Variants in TSHZ1 observed in about 807,000 individuals in gnomAD.
TSHZ1 encodes teashirt zinc finger homeobox 1.
TSHZ1 carries 12 observed loss-of-function variants against 67.1 expected under a neutral mutation model. The ratio of observed to expected loss-of-function variants is 0.18; its 90% CI spans 0.11 to 0.29. The LOEUF is 0.29. Among genes scored for constraint, TSHZ1 ranks in the 10% least tolerant of loss-of-function variants. The pLI is 1.00. For synonymous variants in TSHZ1, 632 were observed against 622.4 expected, an observed-to-expected ratio of 1.02 and a Z score of -0.23; for missense variants, 1,305 against 1,413.9, an observed-to-expected ratio of 0.92 and a Z score of 1.23.
chr18:75,238,187 C>T (rs951121649), intron 1 of TSHZ1, among the ~76,000 whole-genome samples: 2 of 152,170 alleles, frequency 1.3e-5, no homozygotes, highest in Admixed American at 6.5e-5. Context: ...CAGCCTTGCA[C>T]GTGACAGATG....
intron 1 of TSHZ1, chr18:75,283,350 G>A (rs1033440688): frequency 6.6e-6 from 1 of 152,274 alleles, no homozygotes; most frequent in East Asian, 1.9e-4. Flanking sequence ...TCAGAACTGG[G>A]CCATCCTAAA....
At chr18:75,279,072 C>T (rs957233928) in intron 1 of TSHZ1, among the ~76,000 whole-genome samples, 1 of 152,082 alleles carries the variant, frequency 6.6e-6, no homozygotes, top group African/African-American at 2.4e-5. Flanking sequence ...CTCAGGGCCC[C>T]TGGCCTGGGG....
intron 1 of TSHZ1, among the ~76,000 whole-genome samples, chr18:75,214,571 T>C (rs1212156099): frequency 1.3e-5 from 2 of 152,246 alleles, no homozygotes; most frequent in Non-Finnish European, 2.9e-5. Context: ...CATCCGTAAC[T>C]GATGAGTTTT....
chr18:75,263,373 G>A (rs946608105), intron 1 of TSHZ1, among the ~76,000 whole-genome samples: 4 of 151,980 alleles, frequency 2.6e-5, no homozygotes, highest in African/African-American at 7.3e-5. Flanking sequence ...TCTCAGTCTC[G>A]TAGAGACATA....
At chr18:75,264,724 G>A (rs1599047823) in intron 1 of TSHZ1, among the ~76,000 whole-genome samples, 1 of 151,124 alleles carries the variant, frequency 6.6e-6, no homozygotes, top group South Asian at 2.1e-4. Context: ...TTATGGAAGC[G>A]AGTCAGGATA....
At chr18:75,226,565 T>C (rs1022129600) in intron 1 of TSHZ1, among the ~76,000 whole-genome samples, 1 of 152,002 alleles carries the variant, frequency 6.6e-6, no homozygotes, top group African/African-American at 2.4e-5. Context: ...TCAATCTGTT[T>C]TTCAACTTTT....
intron 1 of TSHZ1, among the ~76,000 whole-genome samples, chr18:75,223,976 G>A (rs2122523179): frequency 6.7e-6 from 1 of 150,006 alleles, no homozygotes; most frequent in African/African-American, 2.5e-5. Flanking sequence ...AAGGGATTCT[G>A]AGCAGAGTGC....
chr18:75,272,318 C>T (rs1340794789), intron 1 of TSHZ1, among the ~76,000 whole-genome samples: 1 of 152,186 alleles, frequency 6.6e-6, no homozygotes, highest in African/African-American at 2.4e-5. Context: ...GTGCTCTTTT[C>T]ATTCTAAGGG....
Position 75,279,901 on chromosome 18 carries a change from G to A in TSHZ1, c.41-5547G>A, listed in dbSNP as rs547392856. On this transcript the variant is annotated intron_variant, in intron 1 of 1. Coordinates refer to ENST00000580243, the MANE Select transcript of TSHZ1 (RefSeq NM_001308210.2). ...TTCTAGCGAATTTATTCCAGTAATG[G>A]TGTTCAATGGCTAGTCCATGTTGGC... is the stretch of plus-strand genomic sequence containing the variant. Among the ~76,000 whole-genome samples the A allele has an allele frequency of 2.0e-5, 3 of 152,282 alleles. No homozygotes were observed. The South Asian group carries it at 6.2e-4, about 32-fold the overall frequency.
chr18:75,254,913 TA>T (rs1314758909), intron 1 of TSHZ1, among the ~76,000 whole-genome samples: 2 of 152,196 alleles, frequency 1.3e-5, no homozygotes, highest in Non-Finnish European at 2.9e-5. Flanking sequence ...TTTAAAAGGG[TA>T]AACTCCCAAT....
At chr18:75,240,229 CCT>C (rs1249480458) in intron 1 of TSHZ1, among the ~76,000 whole-genome samples, 2 of 151,836 alleles carry the variant, frequency 1.3e-5, no homozygotes, top group South Asian at 2.1e-4. Flanking sequence ...TAAAGGCTGC[CCT>C]CTCTCTCTCT....
At position 75,287,939 on chromosome 18, in the gene TSHZ1, G is replaced by T. The variant is rs1385576491; in HGVS notation, c.2532G>T (p.Val844=). The part of the protein sequence containing the change: ...ESALMDISDM[V]KNLTGRLTPK... ...CACTCATGGACATCTCCGACATGGT[G>T]AAAAACCTCACAGGCCGCCTGACGC... Residue 844 remains valine, a synonymous_variant, in exon 2 of 2, where the codon GTG becomes GTT. Coordinates refer to ENST00000580243, the MANE Select transcript of TSHZ1 (RefSeq NM_001308210.2). The surrounding 1 kb of genome is among the most constrained non-coding windows in gnomAD (Gnocchi z 5.0). 1.2e-6 allele frequency: 2 copies of T among 1,614,230 alleles called. No homozygotes were observed. The highest frequency in any genetic ancestry group is 1.7e-6 in the Non-Finnish European group (2 of 1,180,050).
intron 1 of TSHZ1, among the ~76,000 whole-genome samples, chr18:75,275,371 T>C (rs1205307439): frequency 1.3e-5 from 2 of 152,180 alleles, no homozygotes; most frequent in Non-Finnish European, 2.9e-5. Flanking sequence ...CAGCGTGCAG[T>C]GCTGTGAAGG....
At chr18:75,238,928 A>C (rs1489268361) in intron 1 of TSHZ1, among the ~76,000 whole-genome samples, 1 of 152,240 alleles carries the variant, frequency 6.6e-6, no homozygotes, top group Non-Finnish European at 1.5e-5. Context: ...GTGGTTGTTT[A>C]TTCCTGATGG....
At position 75,237,251 on chromosome 18, in the gene TSHZ1, G is replaced by A. The variant is rs1019915951; in HGVS notation, c.40+25335G>A. On this transcript the variant is annotated intron_variant, in intron 1 of 1. Transcript: ENST00000580243. ...AATAAGAACAGTCAGGCCAGGTGCG[G>A]TAGCTCATGCCTATAATCCTAGCAT... Among the ~76,000 whole-genome samples, 6 of 152,190 alleles carry A rather than the reference G, an allele frequency of 3.9e-5. No individual in the cohort carries two copies. The South Asian group carries it at 8.3e-4, about 21-fold the overall frequency.
chr18:75,282,271 G>C (rs1382439842), intron 1 of TSHZ1, among the ~76,000 whole-genome samples: 1 of 152,140 alleles, frequency 6.6e-6, no homozygotes, highest in Non-Finnish European at 1.5e-5. Context: ...GTGGGAAGAG[G>C]CCATCACCAT....
rs114367353 is a variant in TSHZ1 at position 75,241,487 on chromosome 18, A to T, written c.40+29571A>T. Among the ~76,000 whole-genome samples, 570 of 152,062 alleles carry T rather than the reference A, an allele frequency of 3.7e-3. 2 individuals are homozygous for T. Among genetic ancestry groups the T allele is most frequent in the African/African-American group, 0.013 (548 of 41,484 alleles). On this transcript the variant is annotated intron_variant, in intron 1 of 1. Coordinates refer to ENST00000580243, the MANE Select transcript of TSHZ1 (RefSeq NM_001308210.2). ...GAGTCACGGGCCGGGGGTTGGCGGG[A>T]TGTGCGTCTGTGCCTGCAGGTGGGC... is the stretch of plus-strand genomic sequence containing the variant.
At chr18:75,253,226 G>A (rs1182415978) in intron 1 of TSHZ1, among the ~76,000 whole-genome samples, 1 of 151,948 alleles carries the variant, frequency 6.6e-6, no homozygotes, top group Non-Finnish European at 1.5e-5. Flanking sequence ...GTTGATTTTG[G>A]GAATCTTTCT....
Position 75,259,593 on chromosome 18 carries a change from G to T in TSHZ1, c.41-25855G>T, listed in dbSNP as rs562624286. 3.9e-5 allele frequency among the ~76,000 whole-genome samples: 6 copies of T among 152,304 alleles called. 1 individual carries two copies. The South Asian group carries it at 1.2e-3, about 32-fold the overall frequency. ...GAAGAAGGGTGAGTACAGTGTGATAGTTTGAGAAAGAGACCCCATTCACAA... is the reference window on the plus strand; with the variant it reads ...GAAGAAGGGTGAGTACAGTGTGATATTTTGAGAAAGAGACCCCATTCACAA... On this transcript the variant is annotated intron_variant, in intron 1 of 1. Transcript: ENST00000580243.
Sources: gnomAD v4.1 joint callset for allele counts (sites outside exome capture counted in the v4.1 genomes callset) on GRCh38, gnomAD v4.1.1 for gene constraint, Gnocchi (gnomAD v3.1) non-coding constraint, MANE v1.5 for transcripts, NCBI Gene and HGNC (gene_info 2026-07-23, HGNC 2026-07-21) for gene names.